Variants in PRRC2B observed in about 807,000 individuals in gnomAD.
PRRC2B encodes proline rich coiled-coil 2B.
In PRRC2B, 68 loss-of-function variants were observed where a neutral mutation model predicts 242.3. The observed-to-expected ratio is 0.28, with a 90% CI of 0.23 to 0.34. The LOEUF (loss-of-function observed/expected upper bound fraction) is 0.34. Ranked by LOEUF, PRRC2B falls within the 10% of genes least tolerant of loss-of-function variation. The probability of loss-of-function intolerance (pLI) is 1.00; values close to 1 mark genes in which losing one functional copy is unlikely to be tolerated. For synonymous variants in PRRC2B, 1,228 were observed against 1,173.6 expected, an observed-to-expected ratio of 1.05 and a Z score of -0.95; for missense variants, 2,835 against 2,954.8, an observed-to-expected ratio of 0.96 and a Z score of 0.94.
chr9:131,456,878 T>C (rs1363055764), intron 10 of PRRC2B, among the ~76,000 whole-genome samples: 1 of 152,226 alleles, frequency 6.6e-6, no homozygotes, highest in Non-Finnish European at 1.5e-5. Context: ...AAGTAAGACT[T>C]TTTCCTTTGC....
chr9:131,398,961 G>T (rs1837143940), intron 1 of PRRC2B, among the ~76,000 whole-genome samples: 1 of 152,160 alleles, frequency 6.6e-6, no homozygotes, highest in South Asian at 2.1e-4. Flanking sequence ...CTGGGCGACA[G>T]AGTGAGACCC....
chr9:131,436,478 C>G lies in PRRC2B; in HGVS notation c.294-142C>G, dbSNP rs552564496. The G allele has an allele frequency of 1.0e-5, 6 of 587,486 alleles. No individual in the cohort carries two copies. The African/African-American group carries it at 1.1e-4, about 11-fold the overall frequency. The allele number at this position is 587,486 out of a possible 1,614,324, so 36.4% of individuals were successfully genotyped here. On this transcript the variant is annotated intron_variant, in intron 3 of 31. Coordinates refer to ENST00000683519, the MANE Select transcript of PRRC2B (RefSeq NM_013318.4). ...TATTAGTTTTTGCCAGCATAAGAAT[C>G]TACTGGGGAAAGTCGTATTTTTATT...
At chr9:131,418,883 G>T (rs527811052) in intron 1 of PRRC2B, among the ~76,000 whole-genome samples, 1 of 152,204 alleles carries the variant, frequency 6.6e-6, no homozygotes, top group Non-Finnish European at 1.5e-5. Flanking sequence ...TAGAACACGG[G>T]CGAGGCAGAT....
rs1269217226 is a variant in PRRC2B, at chr9:131,498,100, G to GT, written c.*2227dup. On this transcript the variant is annotated 3_prime_UTR_variant, in exon 32 of 32. Transcript: ENST00000683519. ...AAGATGTACCCTTCAGGTGAACCTG[G>GT]TATCAGACCCACAGTACTTGCTGTT... The GT allele has an allele frequency of 6.6e-6, 1 of 152,098 alleles. No homozygotes were observed. Among genetic ancestry groups the GT allele is most frequent in the Non-Finnish European group, 1.5e-5 (1 of 68,026 alleles). The allele number at this position is 152,098 out of a possible 1,614,324, so 9.4% of individuals were successfully genotyped here. A position where few individuals can be genotyped will look rare whatever the true frequency, so the allele number is the denominator to read the frequency against.
intron 1 of PRRC2B, among the ~76,000 whole-genome samples, chr9:131,406,946 G>A (rs772925263): frequency 2.1e-4 from 32 of 152,226 alleles, no homozygotes; most frequent in Admixed American, 4.6e-4. Flanking sequence ...TAAGGGGACT[G>A]TTTTAACTGT....
chr9:131,455,021 C>A, intron 9 of PRRC2B, 55 bp from the exon 10 acceptor site: 1 of 1,404,646 alleles, frequency 7.1e-7, no homozygotes, highest in Non-Finnish European at 1.0e-6. Context: ...CACGTCCGGC[C>A]ACCACTGACT....
In PRRC2B at chr9:131,446,491, C is replaced by T. The variant is rs780356163; in HGVS notation, c.704C>T (p.Ser235Leu). The stretch of plus-strand genomic sequence containing the variant: ...CCAACTGAGCTGGGCAGCAGGAACT[C>T]GAGTACGGGAGATGGAGCCCCCTCC... ...TSPTELGSRN[S>L]STGDGAPSSA... is the part of the protein sequence containing the mutation. Residue 235 changes from serine (S) to leucine (L), a missense_variant, in exon 7 of 32, where the codon TCG becomes TTG. By Grantham distance (145) the Ser-to-Leu change is moderately radical. Coordinates refer to ENST00000683519, the MANE Select transcript of PRRC2B (RefSeq NM_013318.4). The surrounding 1 kb of genome is among the most constrained non-coding windows in gnomAD (Gnocchi z 4.1). 16 of 1,613,698 alleles carry T rather than the reference C, an allele frequency of 9.9e-6. No individual in the cohort carries two copies. Among genetic ancestry groups the T allele is most frequent in the African/African-American group, 4.0e-5 (3 of 74,852 alleles).
intron 1 of PRRC2B, among the ~76,000 whole-genome samples, chr9:131,380,227 G>A (rs2131263112): frequency 6.6e-6 from 1 of 151,264 alleles, no homozygotes; most frequent in East Asian, 2.0e-4. Flanking sequence ...CTGCACTCCA[G>A]CCTGGTGACA....
chr9:131,423,825 C>T (rs1222824761), intron 1 of PRRC2B, among the ~76,000 whole-genome samples: 2 of 152,208 alleles, frequency 1.3e-5, no homozygotes, highest in Non-Finnish European at 2.9e-5. Flanking sequence ...TCATTCACTG[C>T]AGCAGTGACT....
At chr9:131,474,234 T>C (rs966005964) in intron 15 of PRRC2B, among the ~76,000 whole-genome samples, 2 of 152,222 alleles carry the variant, frequency 1.3e-5, no homozygotes, top group South Asian at 2.1e-4. Context: ...GACCAATTCA[T>C]GGCCTGGCAT....
intron 11 of PRRC2B, 86 bp from the exon 12 acceptor site, chr9:131,464,677 G>GA: frequency 8.0e-7 from 1 of 1,254,318 alleles, no homozygotes; most frequent in Middle Eastern, 2.7e-4. Context: ...AGGATCTTGG[G>GA]AGGAGAACTG....
At chr9:131,406,501 G>A (rs560093670) in intron 1 of PRRC2B, among the ~76,000 whole-genome samples, 54 of 152,182 alleles carry the variant, frequency 3.5e-4, no homozygotes, top group Non-Finnish European at 7.4e-4. Flanking sequence ...GCCAGCAACA[G>A]CCCTGACTTG....
chr9:131,439,935 CAA>C (rs1220687936), intron 5 of PRRC2B, among the ~76,000 whole-genome samples: 4 of 150,330 alleles, frequency 2.7e-5, no homozygotes, highest in Non-Finnish European at 4.4e-5. Flanking sequence ...TGAGTAGAGA[CAA>C]GATTTCACTA....
chr9:131,389,043 T>C (rs1836864549), intron 1 of PRRC2B, among the ~76,000 whole-genome samples: 2 of 150,048 alleles, frequency 1.3e-5, no homozygotes, highest in Non-Finnish European at 3.0e-5. Context: ...GGTTTCACCA[T>C]GTTGCCCAGG....
intron 1 of PRRC2B, among the ~76,000 whole-genome samples, chr9:131,402,975 C>T (rs1409736914): frequency 3.9e-5 from 6 of 152,224 alleles, no homozygotes; most frequent in African/African-American, 1.4e-4. Context: ...GCTTCAGGAT[C>T]ATCTCTTTGT....
At chr9:131,396,791 G>A (rs1837074086) in intron 1 of PRRC2B, among the ~76,000 whole-genome samples, 1 of 152,054 alleles carries the variant, frequency 6.6e-6, no homozygotes, top group African/African-American at 2.4e-5. Context: ...GCCAGATCTC[G>A]GTGTCTGCTG....
intron 1 of PRRC2B, among the ~76,000 whole-genome samples, chr9:131,378,844 G>A (rs1836719320): frequency 6.6e-6 from 1 of 152,074 alleles, no homozygotes. Flanking sequence ...TCAGCCTCCT[G>A]AGTAGCTGGG....
At chr9:131,444,419 G>A in intron 6 of PRRC2B, 91 bp downstream of exon 6, 1 of 1,393,304 alleles carries the variant, frequency 7.2e-7, no homozygotes, top group Admixed American at 2.5e-5. Context: ...TGATGCCACT[G>A]GGGTCTCCGG....
chr9:131,456,422 G>C (rs1009311992), intron 10 of PRRC2B, among the ~76,000 whole-genome samples: 5 of 151,938 alleles, frequency 3.3e-5, no homozygotes, highest in Admixed American at 3.3e-4. Flanking sequence ...ACGAGGTCAG[G>C]AGATCGAGAC....
Sources: allele counts gnomAD v4.1 joint callset (sites outside exome capture counted in the v4.1 genomes callset), GRCh38; gene constraint gnomAD v4.1.1; non-coding constraint Gnocchi (gnomAD v3.1); transcripts MANE v1.5; gene names NCBI Gene and HGNC (gene_info 2026-07-23, HGNC 2026-07-21).